PFDN1: variants seen among roughly 807,000 people sequenced by gnomAD.
PFDN1 encodes prefoldin 1.
A neutral mutation model predicts 17.3 loss-of-function variants in PFDN1; 6 were observed. The observed-to-expected ratio is 0.35, with a 90% CI of 0.19 to 0.69. The LOEUF (loss-of-function observed/expected upper bound fraction) is 0.69. PFDN1 is among the 30% of genes least tolerant of loss of function. PFDN1 has a pLI of 0.65. For missense variants in PFDN1, 113 were observed against 146.2 expected (o/e 0.77, Z 1.17); for synonymous variants, 58 against 50.1 (o/e 1.16, Z -0.67).
At chr5:140,261,816 G>A (rs1162520211) in intron 3 of PFDN1, among the ~76,000 whole-genome samples, 1 of 151,942 alleles carries the variant, frequency 6.6e-6, no homozygotes, top group Admixed American at 6.6e-5. Flanking sequence ...CAGGATCTTT[G>A]CTCATAGCTC....
Position 140,300,601 on chromosome 5 carries a change from T to C in PFDN1, c.34-19A>G, listed in dbSNP as rs1765729626. ...TGAAGGCCTAATAAAAACAAGTCCA[T>C]GATTTAGTAGGTAAAACATTTTACA... On this transcript the variant is annotated intron_variant, in intron 1 of 3. Transcript: ENST00000261813. The C allele has an allele frequency of 1.9e-6, 3 of 1,556,782 alleles. No individual in the cohort carries two copies. Among genetic ancestry groups the C allele is most frequent in the African/African-American group, 1.4e-5 (1 of 72,938 alleles).
intron 3 of PFDN1, among the ~76,000 whole-genome samples, chr5:140,253,884 G>C (rs1447295263): frequency 1.3e-5 from 2 of 152,166 alleles, no homozygotes; most frequent in Admixed American, 1.3e-4. Context: ...TATTAGAAGG[G>C]CATATTCTTA....
intron 3 of PFDN1, among the ~76,000 whole-genome samples, chr5:140,279,696 C>T (rs1230507032): frequency 6.6e-6 from 1 of 151,896 alleles, no homozygotes; most frequent in East Asian, 1.9e-4. Context: ...TTTATTATTA[C>T]AGAGATTGTA....
rs754567365 is a variant in PFDN1 at position 140,303,047 on chromosome 5, C to T, written c.27G>A (p.Leu9=). 2 of 1,612,024 alleles carry T rather than the reference C, an allele frequency of 1.2e-6. No homozygotes were observed. Among genetic ancestry groups the T allele is most frequent in the South Asian group, 1.1e-5 (1 of 91,056 alleles). ...GCCAAAGACCCTCTTTTACCTTCTTCAGCTCTAGATCCACGGGGGCGGCCA... is the reference window on the plus strand; with the variant it reads ...GCCAAAGACCCTCTTTTACCTTCTTTAGCTCTAGATCCACGGGGGCGGCCA... MAAPVDLE[L]KKAFTELQAK... The change falls in exon 1 of 4, where the codon CTG becomes CTA. Residue 9 remains leucine (L), a synonymous_variant. Coordinates refer to ENST00000261813, the MANE Select transcript of PFDN1 (RefSeq NM_002622.5).
At chr5:140,286,305 G>A (rs1395044649) in intron 2 of PFDN1, among the ~76,000 whole-genome samples, 9 of 150,192 alleles carry the variant, frequency 6.0e-5, no homozygotes, top group Admixed American at 4.0e-4. Flanking sequence ...CCAGCTACTC[G>A]AGAGGCTGAG....
At chr5:140,296,330 G>C (rs950076065) in intron 2 of PFDN1, among the ~76,000 whole-genome samples, 2 of 152,080 alleles carry the variant, frequency 1.3e-5, no homozygotes, top group African/African-American at 4.8e-5. Flanking sequence ...GCTATTTTGT[G>C]CCAGACATTA....
chr5:140,287,918 C>A (rs1469568948), intron 2 of PFDN1, among the ~76,000 whole-genome samples: 2 of 152,138 alleles, frequency 1.3e-5, no homozygotes, highest in Non-Finnish European at 2.9e-5. Flanking sequence ...GATAAAATCC[C>A]AAACACTGAG....
chr5:140,287,847 A>G (rs1765520462), intron 2 of PFDN1, among the ~76,000 whole-genome samples: 3 of 152,254 alleles, frequency 2.0e-5, no homozygotes, highest in African/African-American at 7.2e-5. Flanking sequence ...ATTCAACATC[A>G]TATGTTATTA....
At chr5:140,258,491 G>A (rs1027921365) in intron 3 of PFDN1, among the ~76,000 whole-genome samples, 23 of 150,680 alleles carry the variant, frequency 1.5e-4, no homozygotes, top group African/African-American at 4.2e-4. Context: ...GAGAATACAC[G>A]CGTGAATGTT....
intron 3 of PFDN1, among the ~76,000 whole-genome samples, chr5:140,277,220 C>T (rs1451974080): frequency 6.7e-6 from 1 of 149,520 alleles, no homozygotes; most frequent in African/African-American, 2.5e-5. Context: ...GATCAAAACT[C>T]CGTCTCAAAA....
intron 2 of PFDN1, among the ~76,000 whole-genome samples, chr5:140,289,150 G>C (rs1427293460): frequency 1.3e-5 from 2 of 151,920 alleles, no homozygotes; most frequent in Non-Finnish European, 2.9e-5. Context: ...AGCTGGGTTT[G>C]GTGGCACATG....
At chr5:140,272,626 G>A (rs1319859274) in intron 3 of PFDN1, among the ~76,000 whole-genome samples, 3 of 152,084 alleles carry the variant, frequency 2.0e-5, no homozygotes, top group Non-Finnish European at 4.4e-5. Flanking sequence ...CCAAAGTGCT[G>A]GGATTACAGG....
intron 3 of PFDN1, among the ~76,000 whole-genome samples, chr5:140,257,609 G>A (rs912158361): frequency 2.0e-5 from 3 of 152,094 alleles, no homozygotes; most frequent in African/African-American, 7.2e-5. Context: ...ATGGTTTCTT[G>A]TTTATTTCTT....
At chr5:140,280,654 G>T (rs562188459) in intron 3 of PFDN1, among the ~76,000 whole-genome samples, 131 of 152,236 alleles carry the variant, frequency 8.6e-4, no homozygotes, top group African/African-American at 3.0e-3. Context: ...CTGATCCTCT[G>T]CCTCAAATAG....
chr5:140,251,543 T>G (rs576532655), intron 3 of PFDN1, among the ~76,000 whole-genome samples: 3 of 152,328 alleles, frequency 2.0e-5, no homozygotes, highest in Admixed American at 2.0e-4. Flanking sequence ...AAATCCACAC[T>G]TACTACCAGC....
intron 3 of PFDN1, among the ~76,000 whole-genome samples, chr5:140,256,658 C>CAAAAAAAA (rs757723797): frequency 1.5e-4 from 6 of 39,898 alleles, no homozygotes; most frequent in East Asian, 1.3e-3. Flanking sequence ...CAAAAAATGA[C>CAAAAAAAA]AAAAAAAAAA....
At chr5:140,271,901 CTAAAT>C (rs981909742) in intron 3 of PFDN1, among the ~76,000 whole-genome samples, 1 of 150,020 alleles carries the variant, frequency 6.7e-6, no homozygotes, top group African/African-American at 2.4e-5. Flanking sequence ...ACAAGCTAAA[CTAAAT>C]TATATATATA....
At chr5:140,246,367 TC>T (rs1561489357) in intron 3 of PFDN1, among the ~76,000 whole-genome samples, 1 of 152,224 alleles carries the variant, frequency 6.6e-6, no homozygotes, top group Admixed American at 6.5e-5. Flanking sequence ...CATGAAGTTA[TC>T]CCAGACAGAC....
intron 3 of PFDN1, among the ~76,000 whole-genome samples, chr5:140,263,996 G>A (rs562590158): frequency 1.8e-4 from 23 of 125,416 alleles, no homozygotes; most frequent in African/African-American, 7.0e-4. Context: ...ACTCCAGCCT[G>A]GGGGTCAGAG....
Sources: allele counts gnomAD v4.1 joint callset (sites outside exome capture counted in the v4.1 genomes callset), GRCh38; gene constraint gnomAD v4.1.1; transcripts MANE v1.5; gene names NCBI Gene and HGNC (gene_info 2026-07-23, HGNC 2026-07-21).